Variants in EPB41L3 observed in about 807,000 individuals in gnomAD.
EPB41L3 encodes band 4.1-like protein 3.
EPB41L3 carries 57 observed loss-of-function variants against 127.1 expected under a neutral mutation model. The observed-to-expected ratio is 0.45, with a 90% CI of 0.36 to 0.56. The LOEUF (loss-of-function observed/expected upper bound fraction) is 0.56, where lower values mean the gene tolerates loss of function less well. Among genes scored for constraint, EPB41L3 ranks in the 20% least tolerant of loss-of-function variants. The probability of loss-of-function intolerance (pLI) is 0.00; values close to 1 mark genes in which losing one functional copy is unlikely to be tolerated. For synonymous variants in EPB41L3, 572 were observed against 549.5 expected (o/e 1.04, Z -0.57); for missense variants, 1,273 against 1,372.2 (o/e 0.93, Z 1.14).
chr18:5,506,454 C>T (rs985960119), intron 1 of EPB41L3, among the ~76,000 whole-genome samples: 8 of 152,156 alleles, frequency 5.3e-5, no homozygotes, highest in Non-Finnish European at 1.2e-4. Flanking sequence ...GGCTTATTCA[C>T]CCACTGTGTT....
intron 9 of EPB41L3, 54 bp downstream of exon 9, chr18:5,428,259 C>T (rs1254041581): frequency 3.7e-6 from 6 of 1,600,978 alleles, no homozygotes; most frequent in African/African-American, 1.3e-5. Flanking sequence ...TAAATGCTTG[C>T]TTGCTATCAG....
intron 1 of EPB41L3, among the ~76,000 whole-genome samples, chr18:5,530,312 T>C (rs2093369609): frequency 6.6e-6 from 1 of 152,168 alleles, no homozygotes; most frequent in South Asian, 2.1e-4. Context: ...TGCCAGAAAC[T>C]GTTAAGGAGT....
intron 3 of EPB41L3, 38 bp from the exon 4 acceptor site, chr18:5,445,282 A>C (rs1306518747): frequency 6.7e-7 from 1 of 1,494,614 alleles, no homozygotes; most frequent in East Asian, 2.3e-5. Flanking sequence ...TCAATACAAC[A>C]CAAAGAAAGT....
At chr18:5,537,921 G>A (rs1319798576) in intron 1 of EPB41L3, among the ~76,000 whole-genome samples, 1 of 152,064 alleles carries the variant, frequency 6.6e-6, no homozygotes, top group African/African-American at 2.4e-5. Flanking sequence ...TACACAGAAT[G>A]GACAGTGTAA....
At chr18:5,552,304 A>G (rs1337365267) in intron 3 of EPB41L3, among the ~76,000 whole-genome samples, 1 of 152,240 alleles carries the variant, frequency 6.6e-6, no homozygotes, top group Non-Finnish European at 1.5e-5. Context: ...CAACAGGCAT[A>G]AAGAACTCAT....
At chr18:5,398,306 T>C (rs567401654) in intron 16 of EPB41L3, 163 bp from the exon 17 acceptor site, 73 of 810,330 alleles carry the variant, frequency 9.0e-5, no homozygotes, top group Non-Finnish European at 1.3e-4. Flanking sequence ...GGAAATAAAA[T>C]AGAAAACCAG....
In EPB41L3 at chr18:5,406,875, C is replaced by A. The variant is rs140941017; in HGVS notation, c.2251G>T (p.Val751Leu). 2 of 1,614,182 alleles carry A rather than the reference C, an allele frequency of 1.2e-6. No homozygotes were observed. Among genetic ancestry groups the A allele is most frequent in the East Asian group, 4.5e-5 (2 of 44,878 alleles). The change falls in exon 16 of 23, where the codon GTA (valine) becomes TTA (leucine). Residue 751 changes from valine (V) to leucine (L), a missense_variant. Coordinates refer to ENST00000341928, the MANE Select transcript of EPB41L3 (RefSeq NM_012307.5). The part of the protein sequence containing the change: ...TFLETSTDTA[V>L]TNEWEKRLST... ...AGCCTCTTCTCCCATTCATTCGTTA[C>A]GGCAGTGTCTGTTGAGGTTTCTAAG...
chr18:5,429,981 G>C (rs2078759654), intron 8 of EPB41L3, among the ~76,000 whole-genome samples: 1 of 152,138 alleles, frequency 6.6e-6, no homozygotes, highest in Non-Finnish European at 1.5e-5. Flanking sequence ...ACTGCTCTTT[G>C]ACTCATTTTC....
chr18:5,604,002 T>C (rs1294224819), intron 3 of EPB41L3, among the ~76,000 whole-genome samples: 3 of 148,992 alleles, frequency 2.0e-5, no homozygotes, highest in Non-Finnish European at 4.4e-5. Flanking sequence ...CTTCCAGAAG[T>C]GTCCACACAC....
At chr18:5,596,213 G>A (rs1257342272) in intron 3 of EPB41L3, among the ~76,000 whole-genome samples, 1 of 152,138 alleles carries the variant, frequency 6.6e-6, no homozygotes, top group African/African-American at 2.4e-5. Context: ...AGTGTTCCTA[G>A]CGATCACATC....
chr18:5,484,288 A>C (rs1020349260), intron 2 of EPB41L3, among the ~76,000 whole-genome samples: 11 of 151,490 alleles, frequency 7.3e-5, no homozygotes, highest in Non-Finnish European at 1.6e-4. Flanking sequence ...AAAAATTATC[A>C]AAACACAAGT....
chr18:5,395,278 T>C (rs1260721921), intron 20 of EPB41L3, 131 bp from the exon 21 acceptor site: 7 of 818,052 alleles, frequency 8.6e-6, no homozygotes, highest in African/African-American at 6.7e-5. Flanking sequence ...TCTATGGCAC[T>C]TATTTCACAT....
intron 2 of EPB41L3, among the ~76,000 whole-genome samples, chr18:5,478,900 G>A (rs954956787): frequency 2.0e-5 from 3 of 152,182 alleles, no homozygotes; most frequent in Non-Finnish European, 4.4e-5. Flanking sequence ...AAGACCTGGA[G>A]AGCTTCAAGT....
intron 1 of EPB41L3, among the ~76,000 whole-genome samples, chr18:5,527,449 T>C (rs1328774934): frequency 2.0e-5 from 3 of 152,186 alleles, no homozygotes; most frequent in African/African-American, 7.2e-5. Flanking sequence ...TTTTTTCACA[T>C]TATATTTTAA....
At chr18:5,581,975 T>C (rs2094397723) in intron 3 of EPB41L3, among the ~76,000 whole-genome samples, 1 of 152,122 alleles carries the variant, frequency 6.6e-6, no homozygotes. Context: ...CCAGCCTGGG[T>C]GTCAGAGGGA....
intron 16 of EPB41L3, among the ~76,000 whole-genome samples, chr18:5,405,439 C>T (rs1658066879): frequency 6.6e-6 from 1 of 152,146 alleles, no homozygotes; most frequent in Admixed American, 6.5e-5. Flanking sequence ...TAACAGTAGA[C>T]AGTCAAGTTA....
chr18:5,429,705 C>T (rs932217459), intron 8 of EPB41L3, among the ~76,000 whole-genome samples: 15 of 152,168 alleles, frequency 9.9e-5, no homozygotes, highest in Non-Finnish European at 2.2e-4. Context: ...CCATGACACA[C>T]TGAATTACTC....
intron 3 of EPB41L3, chr18:5,570,652 T>C (rs1343225934): frequency 2.0e-5 from 3 of 152,202 alleles, no homozygotes; most frequent in Non-Finnish European, 2.9e-5. Flanking sequence ...GTGCACAACG[T>C]GCAGGTTTGT....
chr18:5,528,703 T>A (rs2093316472), intron 1 of EPB41L3, among the ~76,000 whole-genome samples: 1 of 152,102 alleles, frequency 6.6e-6, no homozygotes, highest in Non-Finnish European at 1.5e-5. Flanking sequence ...GCTCAAGTGA[T>A]TCCCATGCCT....
Sources: allele counts gnomAD v4.1 joint callset (sites outside exome capture counted in the v4.1 genomes callset), GRCh38; gene constraint gnomAD v4.1.1; transcripts MANE v1.5; gene names NCBI Gene and HGNC (gene_info 2026-07-23, HGNC 2026-07-21).